PCDH7: variants seen among roughly 807,000 people sequenced by gnomAD.
PCDH7 encodes protocadherin-7.
A neutral mutation model predicts 58.9 loss-of-function variants in PCDH7; 17 were observed. The observed-to-expected ratio is 0.29, with a 90% CI of 0.20 to 0.43. The LOEUF (loss-of-function observed/expected upper bound fraction) is 0.43, where lower values mean the gene tolerates loss of function less well. Ranked by LOEUF, PCDH7 falls within the 20% of genes least tolerant of loss-of-function variation. The pLI is 1.00. For missense variants in PCDH7, 1,274 were observed against 1,441.0 expected (o/e 0.88, Z 1.88); for synonymous variants, 664 against 616.4 (o/e 1.08, Z -1.14).
intron 3 of PCDH7, among the ~76,000 whole-genome samples, chr4:31,130,128 C>T (rs1177035128): frequency 6.6e-6 from 1 of 152,162 alleles, no homozygotes; most frequent in Non-Finnish European, 1.5e-5. Context: ...AAATTCTCTT[C>T]TCTTCTTGGG....
chr4:31,136,410 T>C (rs886183975), intron 3 of PCDH7, among the ~76,000 whole-genome samples: 1 of 152,216 alleles, frequency 6.6e-6, no homozygotes, highest in Admixed American at 6.5e-5. Context: ...TGAGCAATAC[T>C]GGGACTCTAA....
At chr4:31,042,944 T>A (rs555052061) in intron 3 of PCDH7, among the ~76,000 whole-genome samples, 7 of 151,816 alleles carry the variant, frequency 4.6e-5, no homozygotes, top group Non-Finnish European at 8.8e-5. Context: ...TGGTGCAGAG[T>A]CCCAAGGAAG....
chr4:30,724,024 G>C, exon 1 of PCDH7: 1 of 1,614,164 alleles, frequency 6.2e-7, no homozygotes, highest in South Asian at 1.1e-5. Context: ...TATAGCTGGT[G>C]ACCCAAGCTA....
intron 1 of PCDH7, among the ~76,000 whole-genome samples, chr4:30,785,668 A>G (rs1350981323): frequency 6.6e-6 from 1 of 151,986 alleles, no homozygotes; most frequent in African/African-American, 2.4e-5. Context: ...TTATTACACC[A>G]TTTACTTTCA....
chr4:30,961,025 T>C (rs2109459627), intron 3 of PCDH7, among the ~76,000 whole-genome samples: 1 of 152,298 alleles, frequency 6.6e-6, no homozygotes, highest in Non-Finnish European at 1.5e-5. Context: ...GTTGTTGTTA[T>C]TTGACCTCAA....
At chr4:31,023,658 A>C (rs1383235917) in intron 3 of PCDH7, among the ~76,000 whole-genome samples, 1 of 152,122 alleles carries the variant, frequency 6.6e-6, no homozygotes, top group African/African-American at 2.4e-5. Context: ...TCCTACTTTC[A>C]TGTAAGGGTC....
chr4:30,870,615 C>T (rs186881027), intron 1 of PCDH7, among the ~76,000 whole-genome samples: 35 of 152,206 alleles, frequency 2.3e-4, no homozygotes, highest in African/African-American at 8.4e-4. Flanking sequence ...CTATCTTTGA[C>T]AAAGACTGCT....
intron 3 of PCDH7, among the ~76,000 whole-genome samples, chr4:30,987,133 A>G (rs995622563): frequency 6.6e-6 from 1 of 152,150 alleles, no homozygotes; most frequent in African/African-American, 2.4e-5. Flanking sequence ...TGATTTTATG[A>G]TGAGAAAGCT....
intron 1 of PCDH7, among the ~76,000 whole-genome samples, chr4:30,777,763 C>T (rs902480807): frequency 1.3e-5 from 2 of 152,110 alleles, no homozygotes; most frequent in African/African-American, 4.8e-5. Context: ...TCTATGTTCA[C>T]TTGTGTGCTA....
At chr4:31,009,498 G>C (rs1753017745) in intron 3 of PCDH7, among the ~76,000 whole-genome samples, 1 of 151,986 alleles carries the variant, frequency 6.6e-6, no homozygotes, top group Non-Finnish European at 1.5e-5. Context: ...AGTCATAGCA[G>C]AGACTACCAA....
At chr4:30,967,177 C>A (rs1174115212) in intron 3 of PCDH7, among the ~76,000 whole-genome samples, 2 of 151,148 alleles carry the variant, frequency 1.3e-5, no homozygotes, top group Non-Finnish European at 1.5e-5. Context: ...TGATGAATTG[C>A]AAGAAGGAAA....
chr4:30,814,920 T>C (rs548744994), intron 1 of PCDH7, among the ~76,000 whole-genome samples: 8 of 152,160 alleles, frequency 5.3e-5, no homozygotes, highest in East Asian at 1.9e-4. Flanking sequence ...TCCTATATTA[T>C]GTTTGACGTG....
chr4:30,932,893 A>G (rs922573112), intron 2 of PCDH7, among the ~76,000 whole-genome samples: 10 of 152,220 alleles, frequency 6.6e-5, no homozygotes, highest in Non-Finnish European at 1.5e-4. Flanking sequence ...TATCCCATTC[A>G]GTAGATAAGA....
chr4:30,742,088 T>A (rs1422898101), intron 1 of PCDH7, among the ~76,000 whole-genome samples: 1 of 152,156 alleles, frequency 6.6e-6, no homozygotes, highest in South Asian at 2.1e-4. Context: ...CAGTAAAAAA[T>A]AGTGTAAACA....
At chr4:30,970,202 CACAACAAAGTGTGACAAAGT>C (rs1246188022) in intron 3 of PCDH7, among the ~76,000 whole-genome samples, 1 of 152,038 alleles carries the variant, frequency 6.6e-6, no homozygotes, top group Non-Finnish European at 1.5e-5. Context: ...TTGTAAGTTA[CACAACAAAGTGTGACAAAGT>C]ACAACAAAGT....
chr4:30,894,402 G>C (rs1170846930), intron 1 of PCDH7, among the ~76,000 whole-genome samples: 1 of 135,812 alleles, frequency 7.4e-6, no homozygotes, highest in Admixed American at 8.0e-5. Context: ...GATAAGCTCA[G>C]TTGATTGGAA....
intron 1 of PCDH7, among the ~76,000 whole-genome samples, chr4:30,894,720 T>C (rs11939033): frequency 0.14 from 20,245 of 149,918 alleles, 1,560 homozygotes; most frequent in African/African-American, 0.2. Context: ...TGTTTTTATA[T>C]GACCATGTGA....
At chr4:31,040,430 T>C (rs1755764950) in intron 3 of PCDH7, among the ~76,000 whole-genome samples, 1 of 152,240 alleles carries the variant, frequency 6.6e-6, no homozygotes, top group African/African-American at 2.4e-5. Context: ...AGGGAAAGGA[T>C]GTTCTTAAAT....
At chr4:30,920,199 C>A (rs1356653520) in exon 2 of PCDH7, 1 of 1,367,670 alleles carries the variant, frequency 7.3e-7, no homozygotes, top group South Asian at 1.1e-5. Context: ...CCTCAGGACC[C>A]ACATCAGGGG....
Sources: gnomAD v4.1 joint callset for allele counts (sites outside exome capture counted in the v4.1 genomes callset) on GRCh38, gnomAD v4.1.1 for gene constraint, MANE v1.5 for transcripts, NCBI Gene and HGNC (gene_info 2026-07-23, HGNC 2026-07-21) for gene names.